DNAJC12: variants seen among roughly 807,000 people sequenced by gnomAD.
DNAJC12 encodes the protein dnaJ homolog subfamily C member 12.
A neutral mutation model predicts 28.5 loss-of-function variants in DNAJC12; 25 were observed. That is an observed-to-expected ratio of 0.88 (90% CI 0.64 to 1.22). The LOEUF (loss-of-function observed/expected upper bound fraction) is 1.22, where lower values mean the gene tolerates loss of function less well. Ranked by LOEUF, DNAJC12 falls within the 50% of genes most tolerant of loss-of-function variation. The probability of loss-of-function intolerance (pLI) is 0.00; values close to 1 mark genes in which losing one functional copy is unlikely to be tolerated. For missense variants in DNAJC12, 222 were observed against 231.7 expected, an observed-to-expected ratio of 0.96 and a Z score of 0.27; for synonymous variants, 77 against 80.6, an observed-to-expected ratio of 0.95 and a Z score of 0.24.
At chr10:67,800,879 G>C (rs1281431032) in intron 4 of DNAJC12, among the ~76,000 whole-genome samples, 2 of 151,924 alleles carry the variant, frequency 1.3e-5, no homozygotes, top group East Asian at 3.9e-4. Context: ...GGAGGCAGAG[G>C]TTGCAGTGAG....
Position 67,838,144 on chromosome 10 carries a change from C to T in DNAJC12, c.-133G>A. The T allele has an allele frequency of 1.7e-6, 1 of 593,504 alleles. No individual in the cohort carries two copies. The highest frequency in any genetic ancestry group is 2.2e-5 in the South Asian group (1 of 45,572). 36.8% of individuals were successfully genotyped at this position (593,504 alleles called of 1,614,324 possible). ...TAGCAAAAACTAGCTTTAAGACTGG[C>T]CACAGTCAATACACCAGATGTCATC... is the stretch of plus-strand genomic sequence containing the variant. On this transcript the variant is annotated 5_prime_UTR_variant, in exon 1 of 5. Coordinates refer to ENST00000225171, the MANE Select transcript of DNAJC12 (RefSeq NM_021800.3).
chr10:67,814,151 A>G (rs1841890953), intron 2 of DNAJC12, among the ~76,000 whole-genome samples: 2 of 152,176 alleles, frequency 1.3e-5, no homozygotes, highest in Admixed American at 1.3e-4. Flanking sequence ...GTACTAACAT[A>G]AGGATAGACA....
chr10:67,799,373 G>T (rs893865327), intron 4 of DNAJC12, among the ~76,000 whole-genome samples: 21 of 152,056 alleles, frequency 1.4e-4, no homozygotes, highest in Non-Finnish European at 2.9e-4. Context: ...AAAGGAAATT[G>T]TTTCTGATTG....
intron 3 of DNAJC12, among the ~76,000 whole-genome samples, chr10:67,809,081 A>G (rs1158923193): frequency 6.6e-6 from 1 of 152,230 alleles, no homozygotes; most frequent in African/African-American, 2.4e-5. Context: ...CAAATGATCA[A>G]TTCACCAAAA....
intron 4 of DNAJC12, among the ~76,000 whole-genome samples, chr10:67,797,507 T>A (rs77963915): frequency 6.6e-6 from 1 of 151,072 alleles, no homozygotes; most frequent in African/African-American, 2.4e-5. Flanking sequence ...CAAAGAAATT[T>A]GAAACAAATT....
In DNAJC12 at chr10:67,836,061, A is replaced by G. The variant is rs545156874; in HGVS notation, c.78+1873T>C. 2.0e-4 allele frequency among the ~76,000 whole-genome samples: 31 copies of G among 152,318 alleles called. No individual in the cohort carries two copies. In the East Asian group the frequency reaches 5.6e-3, roughly 27 times the overall value. On this transcript the variant is annotated intron_variant, in intron 1 of 4. Transcript: ENST00000225171. Reference sequence around the variant, plus strand: ...ATGTCCTTTGCAGGGACATGGATGAAGCTGGAAACCATCATTCTCAGCAAA... The same window carrying G: ...ATGTCCTTTGCAGGGACATGGATGAGGCTGGAAACCATCATTCTCAGCAAA...
At chr10:67,832,213 C>T (rs1042424374) in intron 1 of DNAJC12, among the ~76,000 whole-genome samples, 1 of 150,580 alleles carries the variant, frequency 6.6e-6, no homozygotes, top group Non-Finnish European at 1.5e-5. Flanking sequence ...TGCAGTGAGC[C>T]CAGATTGCGT....
chr10:67,828,336 T>A (rs1842057894), intron 1 of DNAJC12, among the ~76,000 whole-genome samples: 1 of 152,218 alleles, frequency 6.6e-6, no homozygotes, highest in South Asian at 2.1e-4. Flanking sequence ...TGTATCTATC[T>A]CTCTATATGT....
intron 1 of DNAJC12, among the ~76,000 whole-genome samples, chr10:67,826,032 G>A (rs137901091): frequency 5.3e-4 from 80 of 151,896 alleles, no homozygotes; most frequent in African/African-American, 1.9e-3. Flanking sequence ...TTTGAAAAAC[G>A]TTCTATCACT....
chr10:67,797,592 T>G (rs539459516), intron 4 of DNAJC12, among the ~76,000 whole-genome samples: 1 of 152,164 alleles, frequency 6.6e-6, no homozygotes, highest in Non-Finnish European at 1.5e-5. Flanking sequence ...GTACTATAAT[T>G]GAATTCCATG....
chr10:67,824,916 T>TAA (rs1842015012), intron 1 of DNAJC12, among the ~76,000 whole-genome samples: 1 of 151,838 alleles, frequency 6.6e-6, no homozygotes, highest in African/African-American at 2.4e-5. Flanking sequence ...GTATTTTTAG[T>TAA]AGAGATGGGG....
At chr10:67,797,425 C>G (rs1841684907) in intron 4 of DNAJC12, among the ~76,000 whole-genome samples, 1 of 152,160 alleles carries the variant, frequency 6.6e-6, no homozygotes, top group Admixed American at 6.5e-5. Flanking sequence ...GATAAGACCT[C>G]ACATGCTTAA....
chr10:67,835,717 GACACACACACAC>G (rs34238470), intron 1 of DNAJC12, among the ~76,000 whole-genome samples: 5 of 119,070 alleles, frequency 4.2e-5, no homozygotes, highest in Admixed American at 9.6e-5. Context: ...GAGAAAAAAT[GACACACACACAC>G]ACACACACAC....
chr10:67,833,930 CA>C, intron 1 of DNAJC12: 1 of 470,968 alleles, frequency 2.1e-6, no homozygotes. Flanking sequence ...AGTTTGAACC[CA>C]AAATGACAAA....
chr10:67,833,706 T>G (rs376919558), intron 1 of DNAJC12: 12 of 371,374 alleles, frequency 3.2e-5, no homozygotes, highest in Non-Finnish European at 6.5e-5. Context: ...TGGGCCATGA[T>G]CTCTGGGCTG....
At chr10:67,802,087 C>A (rs1245826651) in intron 4 of DNAJC12, among the ~76,000 whole-genome samples, 1 of 151,856 alleles carries the variant, frequency 6.6e-6, no homozygotes, top group Non-Finnish European at 1.5e-5. Context: ...TGGTCTCGAA[C>A]TCCTGGACTC....
At chr10:67,812,063 G>A (rs896028664) in intron 2 of DNAJC12, among the ~76,000 whole-genome samples, 3 of 151,898 alleles carry the variant, frequency 2.0e-5, no homozygotes, top group Non-Finnish European at 4.4e-5. Context: ...AAGAGGGACA[G>A]TAAAACTGAA....
At chr10:67,802,899 G>A in intron 4 of DNAJC12, among the ~76,000 whole-genome samples, 1 of 151,204 alleles carries the variant, frequency 6.6e-6, no homozygotes, top group East Asian at 1.9e-4. Flanking sequence ...CACCCAGGCT[G>A]GAGTACAGTG....
intron 1 of DNAJC12, among the ~76,000 whole-genome samples, chr10:67,834,902 T>C (rs1842128074): frequency 6.6e-6 from 1 of 152,204 alleles, no homozygotes; most frequent in Non-Finnish European, 1.5e-5. Flanking sequence ...TAAATTGTTT[T>C]GAAATGGGGA....
Sources: gnomAD v4.1 joint callset for allele counts (sites outside exome capture counted in the v4.1 genomes callset) on GRCh38, gnomAD v4.1.1 for gene constraint, MANE v1.5 for transcripts, NCBI Gene and HGNC (gene_info 2026-07-23, HGNC 2026-07-21) for gene names.